The following ROBO2 variants were observed in gnomAD, a reference collection of about 807,000 sequenced individuals.
ROBO2 encodes roundabout homolog 2.
ROBO2 carries 53 observed loss-of-function variants against 160.8 expected under a neutral mutation model. The observed-to-expected ratio is 0.33, with a 90% CI of 0.26 to 0.41. The LOEUF (loss-of-function observed/expected upper bound fraction) is 0.41. Ranked by LOEUF, ROBO2 falls within the 10% of genes least tolerant of loss-of-function variation. The pLI is 1.00. For synonymous variants in ROBO2, 664 were observed against 611.7 expected (o/e 1.09, Z -1.26); for missense variants, 1,577 against 1,722.4 (o/e 0.92, Z 1.49).
chr3:75,974,093 G>A (rs1164568754), intron 2 of ROBO2, among the ~76,000 whole-genome samples: 1 of 151,642 alleles, frequency 6.6e-6, no homozygotes, highest in Non-Finnish European at 1.5e-5. Context: ...ACTGCAAACA[G>A]CTTACAGTTG....
chr3:76,670,254 C>G (rs913436614), intron 2 of ROBO2, among the ~76,000 whole-genome samples: 3 of 150,638 alleles, frequency 2.0e-5, no homozygotes, highest in African/African-American at 7.3e-5. Flanking sequence ...AGCTTTTATA[C>G]ATTTTATGAA....
chr3:76,100,318 T>C (rs1343518253), intron 2 of ROBO2, among the ~76,000 whole-genome samples: 2 of 152,210 alleles, frequency 1.3e-5, no homozygotes, highest in African/African-American at 2.4e-5. Context: ...TTATAAATAA[T>C]ACACACATTC....
intron 2 of ROBO2, among the ~76,000 whole-genome samples, chr3:77,195,233 A>G (rs1033556135): frequency 2.0e-5 from 3 of 152,120 alleles, no homozygotes; most frequent in African/African-American, 7.2e-5. Flanking sequence ...TTTTTATATT[A>G]TATCTGACTT....
At chr3:76,755,112 G>A (rs372790301) in intron 2 of ROBO2, among the ~76,000 whole-genome samples, 3 of 151,718 alleles carry the variant, frequency 2.0e-5, no homozygotes, top group East Asian at 3.9e-4. Context: ...TAGTTTGACT[G>A]TGTGTCTTTT....
chr3:76,952,409 A>G (rs1177898881), intron 2 of ROBO2, among the ~76,000 whole-genome samples: 3 of 152,008 alleles, frequency 2.0e-5, no homozygotes, highest in Non-Finnish European at 2.9e-5. Context: ...CAGCCTCCCA[A>G]GTAGCTGGGA....
At chr3:76,733,791 A>G (rs1188064544) in intron 2 of ROBO2, among the ~76,000 whole-genome samples, 1 of 152,188 alleles carries the variant, frequency 6.6e-6, no homozygotes, top group Non-Finnish European at 1.5e-5. Flanking sequence ...AGGCTTCTAT[A>G]AACAATTACG....
chr3:76,242,785 T>A (rs34642081), intron 2 of ROBO2, among the ~76,000 whole-genome samples: 5,599 of 152,080 alleles, frequency 0.037, 128 homozygotes, highest in Non-Finnish European at 0.052. Context: ...GCTGGGAGGC[T>A]AAGGTGGGAA....
chr3:75,960,075 G>A (rs1379171572), intron 2 of ROBO2, among the ~76,000 whole-genome samples: 1 of 151,642 alleles, frequency 6.6e-6, no homozygotes, highest in East Asian at 2.0e-4. Context: ...TCTTTCCATA[G>A]AGTACTTTGC....
At chr3:76,068,753 A>G (rs2068345686) in intron 2 of ROBO2, among the ~76,000 whole-genome samples, 2 of 152,042 alleles carry the variant, frequency 1.3e-5, no homozygotes, top group African/African-American at 4.8e-5. Context: ...TAAAGATTCC[A>G]CCCCAATCTG....
At chr3:77,481,032 A>C in intron 3 of ROBO2, 67 bp from the exon 4 acceptor site, 1 of 1,341,554 alleles carries the variant, frequency 7.5e-7, no homozygotes, top group Non-Finnish European at 1.1e-6. Context: ...CTATTTATTA[A>C]TGACCTTTAT....
At chr3:77,369,568 T>A (rs1475087107) in intron 2 of ROBO2, among the ~76,000 whole-genome samples, 1 of 152,184 alleles carries the variant, frequency 6.6e-6, no homozygotes, top group East Asian at 1.9e-4. Flanking sequence ...GGACCCTTTT[T>A]TGGTAGCTGC....
chr3:77,572,122 T>G (rs1299284623), intron 13 of ROBO2, among the ~76,000 whole-genome samples: 3 of 151,870 alleles, frequency 2.0e-5, no homozygotes, highest in African/African-American at 7.3e-5. Flanking sequence ...CAGACTCCCT[T>G]CATCTGGAAA....
At chr3:77,178,786 G>A (rs1038367309) in intron 2 of ROBO2, among the ~76,000 whole-genome samples, 2 of 151,966 alleles carry the variant, frequency 1.3e-5, no homozygotes, top group African/African-American at 4.8e-5. Context: ...CTTATTTTTA[G>A]TGCTTTACAG....
At chr3:76,155,940 T>C (rs768410906) in intron 2 of ROBO2, among the ~76,000 whole-genome samples, 33 of 152,166 alleles carry the variant, frequency 2.2e-4, no homozygotes, top group Non-Finnish European at 3.5e-4. Context: ...TACCTTTCCC[T>C]GTCAAAGAAA....
At chr3:75,913,161 T>A (rs993159162) in intron 1 of ROBO2, among the ~76,000 whole-genome samples, 3 of 152,154 alleles carry the variant, frequency 2.0e-5, no homozygotes, top group African/African-American at 7.2e-5. Flanking sequence ...ATTTTCAAGG[T>A]GCATTGCTTT....
intron 2 of ROBO2, among the ~76,000 whole-genome samples, chr3:76,606,915 CAATATA>C (rs1276350388): frequency 1.3e-5 from 2 of 151,620 alleles, no homozygotes; most frequent in Non-Finnish European, 2.9e-5. Context: ...TATATATGCT[CAATATA>C]AATATATTTT....
chr3:76,351,733 T>C (rs1035995723), intron 2 of ROBO2, among the ~76,000 whole-genome samples: 2 of 152,012 alleles, frequency 1.3e-5, no homozygotes, highest in Admixed American at 6.6e-5. Flanking sequence ...GAGTTTTTCT[T>C]TAATTTACAT....
intron 6 of ROBO2, among the ~76,000 whole-genome samples, chr3:77,541,843 C>T (rs76712052): frequency 0.042 from 6,427 of 152,142 alleles, 479 homozygotes; most frequent in African/African-American, 0.15. Context: ...AGGAGAATTG[C>T]CATTTTTATA....
intron 1 of ROBO2, among the ~76,000 whole-genome samples, chr3:77,066,059 C>T (rs1015191408): frequency 6.6e-6 from 1 of 151,734 alleles, no homozygotes; most frequent in Non-Finnish European, 1.5e-5. Context: ...ATGGCTCAGA[C>T]CATGTCTGTT....
Sources: gnomAD v4.1 joint callset for allele counts (sites outside exome capture counted in the v4.1 genomes callset) on GRCh38, gnomAD v4.1.1 for gene constraint, MANE v1.5 for transcripts, NCBI Gene and HGNC (gene_info 2026-07-23, HGNC 2026-07-21) for gene names.